CNNM1: variants seen among roughly 807,000 people sequenced by gnomAD.
CNNM1 encodes the protein metal transporter CNNM1.
Under a neutral mutation model 78.8 loss-of-function variants are expected in CNNM1, and 44 were observed. That is an observed-to-expected ratio of 0.56 (90% CI 0.44 to 0.72). CNNM1 has a LOEUF of 0.72. CNNM1 is among the 30% of genes least tolerant of loss of function. CNNM1 has a pLI of 0.00. For missense variants in CNNM1, 1,101 were observed against 1,292.2 expected, an observed-to-expected ratio of 0.85 and a Z score of 2.27; for synonymous variants, 584 against 581.5, an observed-to-expected ratio of 1.00 and a Z score of -0.06.
intron 9 of CNNM1, 73 bp downstream of exon 9, chr10:99,388,374 A>C (rs1210669830): frequency 2.0e-6 from 3 of 1,530,692 alleles, no homozygotes; most frequent in African/African-American, 2.7e-5. Context: ...GCCCAGGGAA[A>C]GCTGGCTGAG....
intron 1 of CNNM1, among the ~76,000 whole-genome samples, chr10:99,355,878 G>A (rs565909007): frequency 9.2e-5 from 14 of 152,198 alleles, no homozygotes; most frequent in African/African-American, 2.6e-4. Flanking sequence ...TTCAGTCATC[G>A]CGCAATAAAA....
chr10:99,368,715 TC>T, intron 6 of CNNM1: 1 of 1,280,348 alleles, frequency 7.8e-7, no homozygotes. Flanking sequence ...TCTCTGTAGA[TC>T]CAGAGGGGTT....
At chr10:99,377,455 G>A (rs2032011499) in intron 7 of CNNM1, 1 of 343,124 alleles carries the variant, frequency 2.9e-6, no homozygotes. Flanking sequence ...TTCATGTGGG[G>A]AAATGAGGCA....
In CNNM1 at chr10:99,390,423, T is replaced by C. The variant is rs1408660976; in HGVS notation, c.2776+16T>C. The C allele has an allele frequency of 1.9e-6, 3 of 1,581,862 alleles. No homozygotes were observed. The highest frequency in any genetic ancestry group is 1.7e-5 in the Admixed American group (1 of 58,794). On this transcript the variant is annotated intron_variant, in intron 10 of 10. Transcript: ENST00000356713. ...AGAACCTTGAGTGAGTAGCTAGTTC[T>C]TCACCCAAATGAGAGCCACCCTGCT...
At position 99,330,578 on chromosome 10, in the gene CNNM1, G is replaced by A. The variant is rs1264368796; in HGVS notation, c.1191G>A (p.Leu397=). 1 of 1,610,366 alleles carries A rather than the reference G, an allele frequency of 6.2e-7. No homozygotes were observed. Among genetic ancestry groups the A allele is most frequent in the African/African-American group, 1.3e-5 (1 of 74,962 alleles). ...GCACCTTCTACACGCGGGAGAAGTTGCTGGAGACGTTGCGGGCCGCAGACC... is the reference window on the plus strand; with the variant it reads ...GCACCTTCTACACGCGGGAGAAGTTACTGGAGACGTTGCGGGCCGCAGACC... The part of the protein sequence containing the change: ...EISTFYTREK[L]LETLRAADPY... Residue 397 remains leucine, a synonymous_variant, in exon 1 of 11, where the codon TTG becomes TTA. Coordinates refer to ENST00000356713, the MANE Select transcript of CNNM1 (RefSeq NM_020348.3).
intron 6 of CNNM1, among the ~76,000 whole-genome samples, chr10:99,374,729 C>T (rs7084237): frequency 0.21 from 31,386 of 152,110 alleles, 6,929 homozygotes; most frequent in African/African-American, 0.56. Flanking sequence ...GACGTGCTGA[C>T]TCATTTATTC....
rs752414699 is a variant in CNNM1 at position 99,329,660 on chromosome 10, C to A, written c.273C>A (p.Thr91=). ...CCGCCGCACCGGTGCCCTCACCGAC[C>A]CTCAACTCGGGGGAGAATGGCACCG... ...PATAAPVPSP[T]LNSGENGTGD... is the part of the protein sequence containing the mutation. Residue 91 remains threonine, a synonymous_variant, in exon 1 of 11, where the codon ACC becomes ACA. Transcript: ENST00000356713. 5.2e-6 allele frequency: 8 copies of A among 1,553,042 alleles called. No homozygotes were observed. Among genetic ancestry groups the A allele is most frequent in the Admixed American group, 3.6e-5 (2 of 55,378 alleles).
At chr10:99,339,390 A>C (rs992590156) in intron 1 of CNNM1, among the ~76,000 whole-genome samples, 2 of 152,174 alleles carry the variant, frequency 1.3e-5, no homozygotes, top group African/African-American at 4.8e-5. Context: ...CTGTTGCCCA[A>C]AGCAGGGGTC....
At chr10:99,390,168 T>C (rs2032430594) in intron 9 of CNNM1, 138 bp from the exon 10 acceptor site, 1 of 620,490 alleles carries the variant, frequency 1.6e-6, no homozygotes, top group Non-Finnish European at 2.9e-6. Context: ...TGGGCGTCCC[T>C]GCCTTGTTAC....
At chr10:99,350,765 T>C (rs546069800) in intron 1 of CNNM1, among the ~76,000 whole-genome samples, 10 of 152,158 alleles carry the variant, frequency 6.6e-5, no homozygotes, top group Admixed American at 1.3e-4. Context: ...CAGCATACAT[T>C]AGCTATTTTT....
At chr10:99,378,624 A>AT (rs377299507) in intron 7 of CNNM1, among the ~76,000 whole-genome samples, 10 of 152,044 alleles carry the variant, frequency 6.6e-5, no homozygotes, top group African/African-American at 2.4e-4. Context: ...GACAATAACT[A>AT]TTTTTTTGCA....
chr10:99,387,273 G>A (rs916446515), intron 7 of CNNM1, among the ~76,000 whole-genome samples: 12 of 152,148 alleles, frequency 7.9e-5, no homozygotes, highest in African/African-American at 2.9e-4. Flanking sequence ...GATTTGAGGA[G>A]ACAGCTGGGA....
At chr10:99,362,699 G>A (rs2031482200) in intron 4 of CNNM1, among the ~76,000 whole-genome samples, 2 of 152,176 alleles carry the variant, frequency 1.3e-5, no homozygotes, top group South Asian at 4.1e-4. Context: ...CTCTGCGGAA[G>A]CTATAATACC....
chr10:99,374,759 C>A (rs2031912572), intron 6 of CNNM1, among the ~76,000 whole-genome samples: 1 of 152,178 alleles, frequency 6.6e-6, no homozygotes, highest in African/African-American at 2.4e-5. Flanking sequence ...TCCTTGAGTA[C>A]CTTCTCTAGG....
intron 4 of CNNM1, among the ~76,000 whole-genome samples, chr10:99,362,675 T>C (rs1012760314): frequency 6.6e-6 from 1 of 152,156 alleles, no homozygotes; most frequent in Admixed American, 6.5e-5. Context: ...GCATCTAAAC[T>C]TCCAGAACTG....
chr10:99,357,665 C>A lies in CNNM1; in HGVS notation c.1717+10C>A, dbSNP rs530866370. On this transcript the variant is annotated intron_variant, in intron 2 of 10. Coordinates refer to ENST00000356713, the MANE Select transcript of CNNM1 (RefSeq NM_020348.3). ...GAAACTGATCTCTACAGTAAGTGCA[C>A]GGCCTTGGCTGTTCTCCAGGGTCAT... 4 of 1,594,466 alleles carry A rather than the reference C, an allele frequency of 2.5e-6. No homozygotes were observed. The highest frequency in any genetic ancestry group is 2.6e-6 in the Non-Finnish European group (3 of 1,170,408).
chr10:99,335,177 A>T (rs1191125818), intron 1 of CNNM1, among the ~76,000 whole-genome samples: 1 of 152,242 alleles, frequency 6.6e-6, no homozygotes, highest in Non-Finnish European at 1.5e-5. Context: ...GTAATTGCTA[A>T]CATGCATATT....
chr10:99,380,909 A>G (rs914138832), intron 7 of CNNM1, among the ~76,000 whole-genome samples: 8 of 152,318 alleles, frequency 5.3e-5, no homozygotes, highest in Admixed American at 2.0e-4. Context: ...CTGTTTCCCA[A>G]CATGAGATAG....
intron 7 of CNNM1, among the ~76,000 whole-genome samples, chr10:99,385,684 A>G (rs1165446138): frequency 6.6e-6 from 1 of 152,220 alleles, no homozygotes; most frequent in Non-Finnish European, 1.5e-5. Context: ...TTATAAGATC[A>G]GAGAGGTTAA....
Sources: gnomAD v4.1 joint callset for allele counts (sites outside exome capture counted in the v4.1 genomes callset) on GRCh38, gnomAD v4.1.1 for gene constraint, MANE v1.5 for transcripts, NCBI Gene and HGNC (gene_info 2026-07-23, HGNC 2026-07-21) for gene names.